The following MCTP1 variants were observed in gnomAD, a reference collection of about 807,000 sequenced individuals.
MCTP1 encodes multiple C2 and transmembrane domain containing 1.
A neutral mutation model predicts 120.6 loss-of-function variants in MCTP1; 69 were observed. The observed-to-expected ratio is 0.57, with a 90% confidence interval of 0.47 to 0.70. MCTP1 has a LOEUF of 0.70. Among genes scored for constraint, MCTP1 ranks in the 30% least tolerant of loss-of-function variants. MCTP1 has a pLI of 0.00. For missense variants in MCTP1, 1,203 were observed against 1,248.8 expected, an observed-to-expected ratio of 0.96 and a Z score of 0.55; for synonymous variants, 529 against 493.1, an observed-to-expected ratio of 1.07 and a Z score of -0.96.
intron 12 of MCTP1, among the ~76,000 whole-genome samples, chr5:94,874,004 TG>T (rs1344356412): frequency 6.6e-6 from 1 of 152,040 alleles, no homozygotes; most frequent in Non-Finnish European, 1.5e-5. Flanking sequence ...TTAATATTTT[TG>T]TAATGTTATG....
chr5:94,827,866 T>C (rs890358387), intron 17 of MCTP1, among the ~76,000 whole-genome samples: 3 of 152,004 alleles, frequency 2.0e-5, no homozygotes, highest in African/African-American at 7.2e-5. Context: ...GCAATTCCTC[T>C]AACCTTTTAT....
intron 18 of MCTP1, among the ~76,000 whole-genome samples, chr5:94,779,368 C>T (rs1776113109): frequency 6.6e-6 from 1 of 152,042 alleles, no homozygotes. Context: ...TTAGGAGAAC[C>T]GGATTTATGT....
chr5:95,120,046 G>A (rs527332191), intron 1 of MCTP1, among the ~76,000 whole-genome samples: 3 of 151,736 alleles, frequency 2.0e-5, no homozygotes, highest in Admixed American at 1.3e-4. Context: ...GCATGGTGGC[G>A]GGTGCCTGTA....
chr5:94,901,469 T>C (rs1707084058), intron 10 of MCTP1, among the ~76,000 whole-genome samples: 1 of 152,174 alleles, frequency 6.6e-6, no homozygotes. Context: ...TAGTATTCCC[T>C]GACTCATGTT....
intron 2 of MCTP1, among the ~76,000 whole-genome samples, chr5:94,975,234 C>T (rs1416703941): frequency 2.0e-5 from 3 of 151,908 alleles, no homozygotes; most frequent in South Asian, 2.1e-4. Context: ...TTTATACCCC[C>T]GCAACTCCCT....
intron 1 of MCTP1, among the ~76,000 whole-genome samples, chr5:95,043,377 T>A (rs535254478): frequency 1.3e-5 from 2 of 152,142 alleles, no homozygotes; most frequent in African/African-American, 2.4e-5. Context: ...TACTTCCCAC[T>A]AAGACCAGGG....
At chr5:95,057,243 C>T (rs1320564257) in intron 1 of MCTP1, among the ~76,000 whole-genome samples, 2 of 151,866 alleles carry the variant, frequency 1.3e-5, no homozygotes, top group African/African-American at 2.4e-5. Flanking sequence ...TCCAAAGTAG[C>T]AAAATTATGT....
At position 94,840,891 on chromosome 5, in the gene MCTP1, C is replaced by A. The variant is rs187355577; in HGVS notation, c.2436+27442G>T. 1.3e-3 allele frequency among the ~76,000 whole-genome samples: 201 copies of A among 152,116 alleles called. 3 individuals carry two copies. The highest frequency in any genetic ancestry group is 0.013 in the Admixed American group (198 of 15,268). ...TACTAAGCAAGCTGTTTTTGCTGAG[C>A]AGCTAGGTTTATTTGAGGTGGATTT... On this transcript the variant is annotated intron_variant, in intron 17 of 22. Coordinates refer to ENST00000515393, the MANE Select transcript of MCTP1 (RefSeq NM_024717.7).
intron 1 of MCTP1, among the ~76,000 whole-genome samples, chr5:95,251,996 G>A (rs553829021): frequency 6.6e-6 from 1 of 152,132 alleles, no homozygotes; most frequent in South Asian, 2.1e-4. Context: ...TATTGAATAA[G>A]CATCAAAGCA....
chr5:94,737,702 A>T (rs558536704), intron 19 of MCTP1, among the ~76,000 whole-genome samples: 93 of 152,008 alleles, frequency 6.1e-4, no homozygotes, highest in African/African-American at 2.2e-3. Context: ...TTGAGACAGA[A>T]TCTCACTCTG....
intron 1 of MCTP1, among the ~76,000 whole-genome samples, chr5:95,243,947 A>T (rs1185951582): frequency 6.6e-6 from 1 of 152,244 alleles, no homozygotes; most frequent in African/African-American, 2.4e-5. Flanking sequence ...ACGATTCTCC[A>T]CTGGTGCCTC....
intron 1 of MCTP1, among the ~76,000 whole-genome samples, chr5:95,247,021 T>C (rs1756870184): frequency 6.6e-6 from 1 of 152,224 alleles, no homozygotes; most frequent in African/African-American, 2.4e-5. Context: ...CATTTGGTCC[T>C]AGACTTTTTT....
At chr5:94,806,475 T>C (rs1221999561) in intron 17 of MCTP1, among the ~76,000 whole-genome samples, 1 of 152,180 alleles carries the variant, frequency 6.6e-6, no homozygotes, top group Non-Finnish European at 1.5e-5. Context: ...AAGACATGCA[T>C]GATTTTGATT....
At chr5:95,079,407 G>A (rs1457683650) in intron 1 of MCTP1, among the ~76,000 whole-genome samples, 1 of 152,134 alleles carries the variant, frequency 6.6e-6, no homozygotes, top group Non-Finnish European at 1.5e-5. Flanking sequence ...ATATTACAAA[G>A]AAGTGTTGAT....
chr5:95,260,066 G>C (rs1252913534), intron 1 of MCTP1, among the ~76,000 whole-genome samples: 3 of 152,146 alleles, frequency 2.0e-5, no homozygotes, highest in Non-Finnish European at 4.4e-5. Context: ...TTTATTAATT[G>C]TGCTTTTAAT....
At position 95,134,992 on chromosome 5, in the gene MCTP1, CAAAAAAAAAAAAAAAAAAAAAAA is replaced by C. The variant is rs70978170; in HGVS notation, c.721-117531_721-117509del. On this transcript the variant is annotated intron_variant, in intron 1 of 22. Coordinates refer to ENST00000515393, the MANE Select transcript of MCTP1 (RefSeq NM_024717.7). ...TCTCGATTTACTGTTGCCTGATGGC[CAAAAAAAAAAAAAAAAAAAAAAA>C]AAAAAAAAAAAAAATTCCTTCTTTT... is the stretch of plus-strand genomic sequence containing the variant. Among the ~76,000 whole-genome samples the C allele has an allele frequency of 4.8e-4, 17 of 35,338 alleles. No individual in the cohort carries two copies. The South Asian group carries it at 0.014, about 28-fold the overall frequency. 23.2% of individuals were successfully genotyped at this position (35,338 alleles called of 152,430 possible). A position where few individuals can be genotyped will look rare whatever the true frequency, so the allele number is the denominator to read the frequency against.
At chr5:95,253,754 T>C (rs1450551252) in intron 1 of MCTP1, among the ~76,000 whole-genome samples, 2 of 152,134 alleles carry the variant, frequency 1.3e-5, no homozygotes, top group African/African-American at 4.8e-5. Context: ...AGATGTTTCA[T>C]TTCATTACAT....
At chr5:95,195,143 G>T (rs187080424) in intron 1 of MCTP1, among the ~76,000 whole-genome samples, 1 of 152,280 alleles carries the variant, frequency 6.6e-6, no homozygotes, top group East Asian at 1.9e-4. Context: ...GCACATCCTA[G>T]AATATGCTCC....
At chr5:95,270,312 C>G (rs1305974248) in intron 1 of MCTP1, among the ~76,000 whole-genome samples, 1 of 152,086 alleles carries the variant, frequency 6.6e-6, no homozygotes, top group Non-Finnish European at 1.5e-5. Flanking sequence ...TAACTTTGGG[C>G]AAGTCAGTTA....
Sources: gnomAD v4.1 joint callset for allele counts (sites outside exome capture counted in the v4.1 genomes callset) on GRCh38, gnomAD v4.1.1 for gene constraint, MANE v1.5 for transcripts, NCBI Gene and HGNC (gene_info 2026-07-23, HGNC 2026-07-21) for gene names.